PIGK: variants seen among roughly 807,000 people sequenced by gnomAD.
PIGK encodes GPI-anchor transamidase.
PIGK carries 42 observed loss-of-function variants against 50.6 expected under a neutral mutation model. The ratio of observed to expected loss-of-function variants is 0.83; its 90% CI spans 0.65 to 1.07. The LOEUF is 1.07. Ranked by LOEUF, PIGK falls within the 50% of genes least tolerant of loss-of-function variation. PIGK has a pLI of 0.00. For synonymous variants in PIGK, 151 were observed against 156.0 expected, an observed-to-expected ratio of 0.97 and a Z score of 0.24; for missense variants, 448 against 488.7, an observed-to-expected ratio of 0.92 and a Z score of 0.78.
chr1:77,121,944 CT>C (rs1654103218), intron 10 of PIGK, among the ~76,000 whole-genome samples: 1 of 152,126 alleles, frequency 6.6e-6, no homozygotes, highest in South Asian at 2.1e-4. Context: ...TTTTGCAGCT[CT>C]TTTTCCTTGT....
intron 1 of PIGK, among the ~76,000 whole-genome samples, chr1:77,218,549 A>G (rs1359731913): frequency 6.6e-6 from 1 of 152,176 alleles, no homozygotes; most frequent in African/African-American, 2.4e-5. Flanking sequence ...TTAGTTTTTC[A>G]GTGTCTTTTT....
At position 77,195,235 on chromosome 1, in the gene PIGK, C is replaced by T. The variant is rs182845801; in HGVS notation, c.239+11405G>A. The T allele has an allele frequency of 5.5e-4, 677 of 1,236,794 alleles. 2 individuals carry two copies. In the African/African-American group the frequency reaches 8.0e-3, roughly 15 times the overall value. 76.6% of individuals were successfully genotyped at this position (1,236,794 alleles called of 1,614,324 possible). A position where few individuals can be genotyped will look rare whatever the true frequency, so the allele number is the denominator to read the frequency against. Reference sequence around the variant, plus strand: ...TGCTGGACTTTTCTTACTGGCAGGGCGACCTGCAGCTGTGGAGACCTTGGG... The same window carrying T: ...TGCTGGACTTTTCTTACTGGCAGGGTGACCTGCAGCTGTGGAGACCTTGGG... On this transcript the variant is annotated intron_variant, in intron 3 of 10. Coordinates refer to ENST00000370812, the MANE Select transcript of PIGK (RefSeq NM_005482.3).
At chr1:77,112,855 T>C (rs941557547) in intron 10 of PIGK, among the ~76,000 whole-genome samples, 6 of 151,998 alleles carry the variant, frequency 3.9e-5, no homozygotes, top group African/African-American at 1.2e-4. Flanking sequence ...TTCCAGAAAG[T>C]CAACATTTAT....
chr1:77,136,532 G>A (rs1416454244), intron 9 of PIGK, among the ~76,000 whole-genome samples: 6 of 81,724 alleles, frequency 7.3e-5, no homozygotes, highest in Admixed American at 1.8e-4. Context: ...GCGAGACTCC[G>A]TCTCAAAAAA....
chr1:77,219,362 A>C lies in PIGK; in HGVS notation c.41T>G (p.Leu14Trp), dbSNP rs771138715. 1.2e-6 allele frequency: 2 copies of C among 1,613,852 alleles called. No individual in the cohort carries two copies. The highest frequency in any genetic ancestry group is 3.3e-5 in the Admixed American group (2 of 60,012). ...GAAGGACAAGAGCAACACAGTTGCCAAGACAGTCGCAGCCCGGCTGAGGCT... is the reference window on the plus strand; with the variant it reads ...GAAGGACAAGAGCAACACAGTTGCCCAGACAGTCGCAGCCCGGCTGAGGCT... ...TDSLSRAATV[L>W]ATVLLLSFGS... is the part of the protein sequence containing the mutation. The change falls in exon 1 of 11, where the codon TTG becomes TGG. Residue 14 changes from leucine (L) to tryptophan (W), a missense_variant. By Grantham distance (61) the Leu-to-Trp change is moderately conservative. Transcript: ENST00000370812.
intron 9 of PIGK, among the ~76,000 whole-genome samples, chr1:77,134,376 T>C (rs548292277): frequency 1.6e-3 from 248 of 152,360 alleles, no homozygotes; most frequent in Admixed American, 3.6e-3. Context: ...AGTAATTTAG[T>C]TTCCCTTTAG....
Position 77,195,348 on chromosome 1 carries a change from G to A in PIGK, c.239+11292C>T, listed in dbSNP as rs537022052. On this transcript the variant is annotated intron_variant, in intron 3 of 10. Transcript: ENST00000370812. ...AGACCACCAAGTTGAGCCAGCGGGC[G>A]GAGGCACAGGCACTTCTCCAGGACT... The A allele has an allele frequency of 4.7e-5, 60 of 1,269,116 alleles. 1 individual carries two copies. In the South Asian group the frequency reaches 5.1e-4, roughly 11 times the overall value. 78.6% of individuals were successfully genotyped at this position (1,269,116 alleles called of 1,614,324 possible). A position where few individuals can be genotyped will look rare whatever the true frequency, so the allele number is the denominator to read the frequency against.
At chr1:77,098,384 A>G (rs1198242112) in intron 10 of PIGK, among the ~76,000 whole-genome samples, 1 of 151,768 alleles carries the variant, frequency 6.6e-6, no homozygotes, top group Admixed American at 6.6e-5. Flanking sequence ...GCTGGTGTGC[A>G]GTGGCATTAT....
intron 10 of PIGK, among the ~76,000 whole-genome samples, chr1:77,100,320 G>T (rs1653513529): frequency 6.6e-6 from 1 of 152,106 alleles, no homozygotes; most frequent in Admixed American, 6.5e-5. Context: ...AAATAGCTGT[G>T]TTCAACTATT....
At chr1:77,178,108 T>C (rs183329564) in intron 3 of PIGK, among the ~76,000 whole-genome samples, 1 of 152,344 alleles carries the variant, frequency 6.6e-6, no homozygotes, top group Non-Finnish European at 1.5e-5. Flanking sequence ...TATACTTTTA[T>C]TTATGAAGGA....
At chr1:77,206,580 C>T in intron 3 of PIGK, 60 bp downstream of exon 3, 1 of 870,130 alleles carries the variant, frequency 1.1e-6, no homozygotes, top group Non-Finnish European at 1.8e-6. Context: ...AATATAATAA[C>T]AATTATCTAA....
chr1:77,148,513 T>C (rs986354071), intron 9 of PIGK, among the ~76,000 whole-genome samples: 13 of 152,164 alleles, frequency 8.5e-5, no homozygotes, highest in Non-Finnish European at 1.8e-4. Context: ...TACATACAAA[T>C]AATTTAAGAG....
chr1:77,167,051 A>T (rs1375466171), intron 4 of PIGK, among the ~76,000 whole-genome samples: 3 of 152,228 alleles, frequency 2.0e-5, no homozygotes, highest in African/African-American at 7.2e-5. Flanking sequence ...ACTAAAAACT[A>T]ACAAAGAAGG....
chr1:77,195,023 A>G, intron 3 of PIGK: 1 of 785,952 alleles, frequency 1.3e-6, no homozygotes, highest in Non-Finnish European at 2.2e-6. Context: ...AAGCTCCTGC[A>G]GAAGAATAAC....
intron 9 of PIGK, among the ~76,000 whole-genome samples, chr1:77,133,311 C>T (rs1654421921): frequency 6.6e-6 from 1 of 152,062 alleles, no homozygotes; most frequent in African/African-American, 2.4e-5. Flanking sequence ...ACTTCAGATA[C>T]CATATTTTTC....
chr1:77,100,856 C>T (rs1352401613), intron 10 of PIGK, among the ~76,000 whole-genome samples: 2 of 152,146 alleles, frequency 1.3e-5, no homozygotes, highest in South Asian at 2.1e-4. Context: ...GACTGACACC[C>T]TCAGTCCTAC....
intron 3 of PIGK, among the ~76,000 whole-genome samples, chr1:77,171,056 G>A (rs567992780): frequency 7.0e-6 from 1 of 143,108 alleles, no homozygotes; most frequent in South Asian, 2.1e-4. Flanking sequence ...TTTAAAACTT[G>A]AGATCATTAA....
At chr1:77,106,297 C>T (rs1653671044) in intron 10 of PIGK, among the ~76,000 whole-genome samples, 1 of 152,124 alleles carries the variant, frequency 6.6e-6, no homozygotes, top group South Asian at 2.1e-4. Context: ...GGAGGACTGG[C>T]ATCCTCCTTC....
At chr1:77,218,825 T>C (rs1656648931) in intron 1 of PIGK, among the ~76,000 whole-genome samples, 1 of 152,150 alleles carries the variant, frequency 6.6e-6, no homozygotes, top group South Asian at 2.1e-4. Flanking sequence ...CTTCCATTTC[T>C]TAACCCAGAC....
Sources: gnomAD v4.1 joint callset for allele counts (sites outside exome capture counted in the v4.1 genomes callset) on GRCh38, gnomAD v4.1.1 for gene constraint, MANE v1.5 for transcripts, NCBI Gene and HGNC (gene_info 2026-07-23, HGNC 2026-07-21) for gene names.